BARD1: variants seen among roughly 807,000 people sequenced by gnomAD.
BARD1 encodes the protein BRCA1-associated RING domain protein 1.
Under a neutral mutation model 77.0 loss-of-function variants are expected in BARD1, and 73 were observed. The observed-to-expected ratio is 0.95, with a 90% CI of 0.79 to 1.15. The LOEUF (loss-of-function observed/expected upper bound fraction) is 1.15. BARD1 is among the 50% of genes most tolerant of loss of function. The probability of loss-of-function intolerance (pLI) is 0.00; values close to 1 mark genes in which losing one functional copy is unlikely to be tolerated. For synonymous variants in BARD1, 384 were observed against 338.0 expected (o/e 1.14, Z -1.49); for missense variants, 993 against 938.8 (o/e 1.06, Z -0.75).
At chr2:214,741,621 G>C (rs1443404357) in intron 9 of BARD1, among the ~76,000 whole-genome samples, 1 of 152,110 alleles carries the variant, frequency 6.6e-6, no homozygotes, top group Non-Finnish European at 1.5e-5. Context: ...GACTAAAGTA[G>C]AGTCTCCCTC....
intron 9 of BARD1, among the ~76,000 whole-genome samples, chr2:214,743,929 C>A (rs777263311): frequency 7.2e-5 from 11 of 152,134 alleles, no homozygotes; most frequent in Non-Finnish European, 1.3e-4. Flanking sequence ...TACATGGCCA[C>A]CACTAACATC....
chr2:214,767,039 T>C (rs1694235252), intron 6 of BARD1, among the ~76,000 whole-genome samples: 2 of 152,144 alleles, frequency 1.3e-5, no homozygotes, highest in Admixed American at 1.3e-4. Context: ...TGAATTCTCA[T>C]CATTTAGCTC....
At chr2:214,766,509 T>G (rs1298463141) in intron 6 of BARD1, among the ~76,000 whole-genome samples, 1 of 152,196 alleles carries the variant, frequency 6.6e-6, no homozygotes, top group Non-Finnish European at 1.5e-5. Context: ...TTCCATTAAA[T>G]GAAAGCTTCC....
chr2:214,751,309 C>T (rs936527445), intron 7 of BARD1, among the ~76,000 whole-genome samples: 7 of 149,864 alleles, frequency 4.7e-5, no homozygotes, highest in Admixed American at 2.0e-4. Context: ...AGACGCATAC[C>T]GCCACACTCA....
chr2:214,760,845 G>A (rs1693924273), intron 6 of BARD1, among the ~76,000 whole-genome samples: 1 of 150,932 alleles, frequency 6.6e-6, no homozygotes. Flanking sequence ...TGCGGTCTCG[G>A]CTCACTGCAA....
At chr2:214,775,884 T>A (rs768476055) in intron 4 of BARD1, among the ~76,000 whole-genome samples, 84 of 152,212 alleles carry the variant, frequency 5.5e-4, no homozygotes, top group Non-Finnish European at 1.1e-3. Flanking sequence ...TGCTTTTGTT[T>A]CCTTTGCTAC....
chr2:214,793,537 T>C (rs886800265), intron 2 of BARD1, among the ~76,000 whole-genome samples: 2 of 152,182 alleles, frequency 1.3e-5, no homozygotes, highest in Non-Finnish European at 2.9e-5. Context: ...TGATTACTCA[T>C]GCAATTTAAA....
At chr2:214,785,630 AAAG>A (rs1307975740) in intron 3 of BARD1, among the ~76,000 whole-genome samples, 2 of 152,002 alleles carry the variant, frequency 1.3e-5, no homozygotes. Flanking sequence ...GTTAAAACAA[AAAG>A]AAGGAAGGAG....
intron 9 of BARD1, among the ~76,000 whole-genome samples, chr2:214,736,593 G>C (rs1175957612): frequency 6.6e-6 from 1 of 151,996 alleles, no homozygotes; most frequent in Non-Finnish European, 1.5e-5. Context: ...GGGTTTATTT[G>C]ACTGATTATT....
At chr2:214,730,291 G>T in intron 10 of BARD1, 120 bp downstream of exon 10, 1 of 825,354 alleles carries the variant, frequency 1.2e-6, no homozygotes, top group Non-Finnish European at 2.0e-6. Flanking sequence ...CTTGAAATAA[G>T]CACAATTAAA....
chr2:214,746,436 G>T (rs77887006), intron 7 of BARD1, among the ~76,000 whole-genome samples: 1 of 152,072 alleles, frequency 6.6e-6, no homozygotes, highest in Admixed American at 6.5e-5. Context: ...TATAGCTCAC[G>T]ACTAAGAAAG....
At chr2:214,749,091 G>A (rs1414499857) in intron 7 of BARD1, among the ~76,000 whole-genome samples, 1 of 151,994 alleles carries the variant, frequency 6.6e-6, no homozygotes, top group African/African-American at 2.4e-5. Context: ...GCTATTTACT[G>A]TGCAGTGGCA....
chr2:214,740,675 T>C (rs1179672492), intron 9 of BARD1, among the ~76,000 whole-genome samples: 2 of 152,086 alleles, frequency 1.3e-5, no homozygotes, highest in African/African-American at 4.8e-5. Context: ...CTTCAGGCAT[T>C]TCAGAATTTT....
chr2:214,745,767 C>T lies in BARD1; in HGVS notation c.1765G>A (p.Ala589Thr), dbSNP rs547417612. The T allele has an allele frequency of 6.2e-7, 1 of 1,614,040 alleles. No individual in the cohort carries two copies. Among genetic ancestry groups the T allele is most frequent in the African/African-American group, 1.3e-5 (1 of 75,032 alleles). ...SEQQKMLSEL[A>T]VILKAKKYTE... ...TATTTTTTAGCCTTAAGAATTACTGCAAGCTCACTGAGCATTTTCTGTTGT... is the reference window on the plus strand; with the variant it reads ...TATTTTTTAGCCTTAAGAATTACTGTAAGCTCACTGAGCATTTTCTGTTGT... Residue 589 changes from alanine to threonine, a missense_variant, in exon 8 of 11, where the codon GCA becomes ACA. By Grantham distance (58) the Ala-to-Thr change is moderately conservative (BLOSUM62 0). Coordinates refer to ENST00000260947, the MANE Select transcript of BARD1 (RefSeq NM_000465.4).
chr2:214,793,676 T>A (rs887974133), intron 2 of BARD1, among the ~76,000 whole-genome samples: 3 of 152,200 alleles, frequency 2.0e-5, no homozygotes, highest in African/African-American at 7.2e-5. Context: ...ACTGCACTAG[T>A]ACTCAGATCA....
intron 6 of BARD1, among the ~76,000 whole-genome samples, chr2:214,764,327 A>G (rs1035691939): frequency 1.3e-5 from 2 of 152,152 alleles, no homozygotes; most frequent in Non-Finnish European, 2.9e-5. Context: ...CAGCCTCACG[A>G]GAAGGGAGGA....
chr2:214,743,276 C>T (rs1384699303), intron 9 of BARD1, among the ~76,000 whole-genome samples: 1 of 152,178 alleles, frequency 6.6e-6, no homozygotes, highest in African/African-American at 2.4e-5. Flanking sequence ...AAATTAATAA[C>T]ATAATTAAGA....
In BARD1 at chr2:214,809,621, T is replaced by C. The variant is rs1307052149; in HGVS notation, c.-52A>G. The C allele has an allele frequency of 2.0e-6, 3 of 1,521,222 alleles. No individual in the cohort carries two copies. Among genetic ancestry groups the C allele is most frequent in the Non-Finnish European group, 2.6e-6 (3 of 1,135,696 alleles). 94.2% of individuals were successfully genotyped at this position (1,521,222 alleles called of 1,614,324 possible). ...TCGCAGAGCGGGAAGCAAGGAAGCC[T>C]CGGGAAACCACAGGGAAGCTGCAGG... On this transcript the variant is annotated 5_prime_UTR_variant, in exon 1 of 11. Coordinates refer to ENST00000260947, the MANE Select transcript of BARD1 (RefSeq NM_000465.4).
At chr2:214,796,334 T>G (rs1695752065) in intron 2 of BARD1, among the ~76,000 whole-genome samples, 1 of 152,208 alleles carries the variant, frequency 6.6e-6, no homozygotes, top group African/African-American at 2.4e-5. Context: ...ACTGTGAATG[T>G]GACCTAATTT....
Sources: gnomAD v4.1 joint callset for allele counts (sites outside exome capture counted in the v4.1 genomes callset) on GRCh38, gnomAD v4.1.1 for gene constraint, MANE v1.5 for transcripts, NCBI Gene and HGNC (gene_info 2026-07-23, HGNC 2026-07-21) for gene names.